The following NLRP9 variants were observed in gnomAD, a reference collection of about 807,000 sequenced individuals.
The protein encoded by NLRP9 is NACHT, LRR and PYD domains-containing protein 9.
Under a neutral mutation model 83.1 loss-of-function variants are expected in NLRP9, and 88 were observed. That is an observed-to-expected ratio of 1.06 (90% CI 0.89 to 1.26). NLRP9 has a LOEUF of 1.26. NLRP9 is among the 50% of genes most tolerant of loss of function. NLRP9 has a pLI of 0.00. For synonymous variants in NLRP9, 521 were observed against 447.6 expected (o/e 1.16, Z -2.07); for missense variants, 1,308 against 1,179.3 (o/e 1.11, Z -1.60).
chr19:55,717,328 C>T (rs891771285), intron 4 of NLRP9, among the ~76,000 whole-genome samples: 14 of 152,266 alleles, frequency 9.2e-5, no homozygotes, highest in East Asian at 7.7e-4. Context: ...CCACCGCGCC[C>T]GGCCACATTA....
rs939020984 is a variant in NLRP9, at chr19:55,731,888, C to T, written c.1832+111G>A. On this transcript the variant is annotated intron_variant, in intron 2 of 8. Coordinates refer to ENST00000332836, the MANE Select transcript of NLRP9 (RefSeq NM_176820.4). ...GCTCGAAAGGAAGGCTTTCTGACTC[C>T]GACCTCCATGCTTTTAAGCACAGTG... 1.2e-4 allele frequency: 78 copies of T among 664,630 alleles called. No individual in the cohort carries two copies. In the African/African-American group the frequency reaches 1.2e-3, roughly 10 times the overall value. The allele number at this position is 664,630 out of a possible 1,614,324, so 41.2% of individuals were successfully genotyped here.
At chr19:55,727,600 A>G (rs1190789972) in intron 3 of NLRP9, among the ~76,000 whole-genome samples, 1 of 152,122 alleles carries the variant, frequency 6.6e-6, no homozygotes, top group Non-Finnish European at 1.5e-5. Context: ...CCCTACTTTA[A>G]CATTTTCCAG....
chr19:55,711,088 AAAAAC>A (rs898553786), intron 8 of NLRP9, among the ~76,000 whole-genome samples: 7 of 122,300 alleles, frequency 5.7e-5, no homozygotes, highest in Admixed American at 1.5e-4. Context: ...TCTGCCTCAA[AAAAAC>A]AAAACAAAAC....
chr19:55,712,702 GA>G, intron 6 of NLRP9, 112 bp from the exon 7 acceptor site: 1 of 760,186 alleles, frequency 1.3e-6, no homozygotes, highest in Non-Finnish European at 2.0e-6. Flanking sequence ...AATCTGAGAT[GA>G]TGAGGAGGGT....
rs1287960245 is a variant in NLRP9 at position 55,738,280 on chromosome 19, T to C, written c.95A>G (p.Gln32Arg). 1.2e-6 allele frequency: 2 copies of C among 1,613,988 alleles called. No individual in the cohort carries two copies. Among genetic ancestry groups the C allele is most frequent in the East Asian group, 2.2e-5 (1 of 44,898 alleles). Residue 32 changes from glutamine to arginine, a missense_variant, in exon 1 of 9, where the codon CAA (glutamine) becomes CGA (arginine). Coordinates refer to ENST00000332836, the MANE Select transcript of NLRP9 (RefSeq NM_176820.4). Reference protein sequence around the residue: ...EFWKFKELLKQPLEKFELKPI... With the variant: ...EFWKFKELLKRPLEKFELKPI... ...CTTGAGTTCAAATTTCTCCAAAGGT[T>C]GTTTGAGGAGCTCCTTAAATTTCCA...
At position 55,712,059 on chromosome 19, in the gene NLRP9, C is replaced by G. The variant is rs1987753888; in HGVS notation, c.2673-89G>C. The G allele has an allele frequency of 3.1e-6, 4 of 1,293,708 alleles. No homozygotes were observed. In the South Asian group the frequency reaches 4.0e-5, roughly 13 times the overall value. 80.1% of individuals were successfully genotyped at this position (1,293,708 alleles called of 1,614,324 possible). On this transcript the variant is annotated intron_variant, in intron 7 of 8. Transcript: ENST00000332836. ...TGTTACTTGCTAATTACACACCTCC[C>G]GGCAGGACGCTCTGCTGTCTAGACC...
rs185425900 is a variant in NLRP9, at chr19:55,718,485, C to T, written c.2160-1587G>A. ...GAGAAAATTGCCCTGTGGCTGGAGG[C>T]GAGATATGCTGGCAGCAATACTGCT... On this transcript the variant is annotated intron_variant, in intron 4 of 8. Coordinates refer to ENST00000332836, the MANE Select transcript of NLRP9 (RefSeq NM_176820.4). Among the ~76,000 whole-genome samples the T allele has an allele frequency of 3.7e-4, 57 of 152,268 alleles. No homozygotes were observed. The South Asian group carries it at 5.8e-3, about 16-fold the overall frequency.
rs2122331956 is a variant in NLRP9 at position 55,732,605 on chromosome 19, A to T, written c.1226T>A (p.Val409Glu). 6.2e-7 allele frequency: 1 copy of T among 1,614,222 alleles called. No individual in the cohort carries two copies. Among genetic ancestry groups the T allele is most frequent in the African/African-American group, 1.3e-5 (1 of 75,060 alleles). The stretch of plus-strand genomic sequence containing the variant: ...CCTCCGGAGATCCCCATGGGAAAAT[A>T]CAAATGTATATGTCCAAATTCCCTC... The part of the protein sequence containing the change: ...AAEGIWTYTF[V>E]FSHGDLRRNG... The change falls in exon 2 of 9, where the codon GTA (valine) becomes GAA (glutamate). Residue 409 changes from valine to glutamate, a missense_variant. Physicochemically the swap from Val to Glu is moderately radical, Grantham distance 121 (BLOSUM62 -2). Transcript: ENST00000332836.
At chr19:55,721,685 T>C (rs1988229936) in intron 4 of NLRP9, among the ~76,000 whole-genome samples, 1 of 152,130 alleles carries the variant, frequency 6.6e-6, no homozygotes, top group Admixed American at 6.6e-5. Context: ...CCAAATCTCA[T>C]CCTGTAGCTC....
chr19:55,724,612 G>A (rs1400915163), intron 3 of NLRP9, among the ~76,000 whole-genome samples: 2 of 151,350 alleles, frequency 1.3e-5, no homozygotes, highest in Admixed American at 6.6e-5. Flanking sequence ...TAATAAAAGA[G>A]ACAATGTTAT....
intron 2 of NLRP9, 59 bp downstream of exon 2, chr19:55,731,940 G>A: frequency 1.8e-6 from 2 of 1,103,174 alleles, no homozygotes. Flanking sequence ...ATACCCACAG[G>A]CCACTAGAGC....
chr19:55,723,922 A>T, intron 4 of NLRP9, 58 bp downstream of exon 4: 2 of 1,437,804 alleles, frequency 1.4e-6, no homozygotes, highest in South Asian at 2.5e-5. Flanking sequence ...CAAGAAAATC[A>T]AACTGCAAAG....
At chr19:55,733,918 A>ATTTTTTTTTTT (rs1423854158) in intron 1 of NLRP9, among the ~76,000 whole-genome samples, 3 of 118,056 alleles carry the variant, frequency 2.5e-5, no homozygotes, top group East Asian at 2.1e-4. Flanking sequence ...TTGTCAACCA[A>ATTTTTTTTTTT]ATTTTTTTTT....
At chr19:55,724,332 G>A (rs1988335663) in intron 3 of NLRP9, among the ~76,000 whole-genome samples, 188 bp from the exon 4 acceptor site, 1 of 152,080 alleles carries the variant, frequency 6.6e-6, no homozygotes. Context: ...AGAGGCTCAA[G>A]CTGCTTAGAA....
chr19:55,712,620 A>G, intron 6 of NLRP9, 30 bp from the exon 7 acceptor site: 1 of 1,600,966 alleles, frequency 6.2e-7, no homozygotes, highest in African/African-American at 1.3e-5. Flanking sequence ...ACAAATACGT[A>G]CACTTATGAG....
intron 3 of NLRP9, among the ~76,000 whole-genome samples, chr19:55,725,184 T>A: frequency 6.6e-6 from 1 of 152,324 alleles, no homozygotes; most frequent in South Asian, 2.1e-4. Flanking sequence ...TAACTACAAA[T>A]ATGTGTCTAT....
intron 2 of NLRP9, among the ~76,000 whole-genome samples, chr19:55,730,239 A>G (rs1988533838): frequency 6.6e-6 from 1 of 152,178 alleles, no homozygotes. Flanking sequence ...GAATCGCTTG[A>G]GCTTAGGAGT....
At chr19:55,723,454 C>T (rs1422480487) in intron 4 of NLRP9, among the ~76,000 whole-genome samples, 1 of 152,074 alleles carries the variant, frequency 6.6e-6, no homozygotes, top group African/African-American at 2.4e-5. Context: ...GATGCAGTGG[C>T]TCATGTGAAG....
At chr19:55,728,308 G>A (rs1345831009) in intron 3 of NLRP9, among the ~76,000 whole-genome samples, 1 of 152,178 alleles carries the variant, frequency 6.6e-6, no homozygotes, top group Non-Finnish European at 1.5e-5. Flanking sequence ...CAGGTGCGGT[G>A]GCTCACGTCT....
Sources: allele counts gnomAD v4.1 joint callset (sites outside exome capture counted in the v4.1 genomes callset), GRCh38; gene constraint gnomAD v4.1.1; transcripts MANE v1.5; gene names NCBI Gene and HGNC (gene_info 2026-07-23, HGNC 2026-07-21).